NEGR1: variants seen among roughly 807,000 people sequenced by gnomAD.
NEGR1 encodes the protein IgLON family member 4.
Under a neutral mutation model 40.9 loss-of-function variants are expected in NEGR1, and 10 were observed. The ratio of observed to expected loss-of-function variants is 0.24; its 90% CI spans 0.15 to 0.42. The LOEUF is 0.42. Among genes scored for constraint, NEGR1 ranks in the 10% least tolerant of loss-of-function variants. NEGR1 has a pLI of 1.00. For missense variants in NEGR1, 352 were observed against 438.9 expected (o/e 0.80, Z 1.77); for synonymous variants, 185 against 166.8 (o/e 1.11, Z -0.84).
intron 4 of NEGR1, among the ~76,000 whole-genome samples, chr1:71,688,436 T>TATATATAAAAGATATATATATAAAAG (rs1557613923): frequency 0.011 from 189 of 16,572 alleles, 1 homozygote; most frequent in Middle Eastern, 0.045. Context: ...ATATAAAAGA[T>TATATATAAAAGATATATATATAAAAG]ATATATATAA....
chr1:71,598,200 C>T (rs1035817196), intron 5 of NEGR1, among the ~76,000 whole-genome samples: 1 of 152,088 alleles, frequency 6.6e-6, no homozygotes, highest in African/African-American at 2.4e-5. Flanking sequence ...ACATTCAAAT[C>T]GCTAAGTAGA....
intron 1 of NEGR1, among the ~76,000 whole-genome samples, chr1:72,280,089 G>C (rs1570219911): frequency 6.6e-6 from 1 of 152,156 alleles, no homozygotes; most frequent in East Asian, 1.9e-4. Context: ...AGTTCCCTCA[G>C]TATCACAAAA....
chr1:71,569,570 T>C (rs1168114499), intron 6 of NEGR1, among the ~76,000 whole-genome samples: 1 of 152,206 alleles, frequency 6.6e-6, no homozygotes, highest in Non-Finnish European at 1.5e-5. Context: ...GACTACCGTT[T>C]GGGCGTTTAA....
intron 1 of NEGR1, among the ~76,000 whole-genome samples, chr1:72,020,341 G>A (rs1281169374): frequency 2.0e-5 from 3 of 152,100 alleles, no homozygotes; most frequent in Admixed American, 6.6e-5. Flanking sequence ...TGGGACCCAG[G>A]AAAGGGGAAA....
intron 1 of NEGR1, among the ~76,000 whole-genome samples, chr1:72,242,153 T>A (rs905886578): frequency 6.6e-6 from 1 of 151,806 alleles, no homozygotes. Context: ...ATTCTTGTTA[T>A]GTTGCATTCA....
At chr1:71,684,902 A>T (rs1570202407) in intron 4 of NEGR1, among the ~76,000 whole-genome samples, 1 of 152,142 alleles carries the variant, frequency 6.6e-6, no homozygotes, top group Admixed American at 6.6e-5. Context: ...TTCACAATTT[A>T]AAAAAATATC....
chr1:71,964,813 T>C (rs893950994), intron 1 of NEGR1, among the ~76,000 whole-genome samples: 3 of 129,812 alleles, frequency 2.3e-5, no homozygotes, highest in Non-Finnish European at 3.2e-5. Context: ...TGTATTTATA[T>C]ATAATCACAT....
At chr1:71,529,675 A>T (rs1319498716) in intron 6 of NEGR1, among the ~76,000 whole-genome samples, 1 of 151,164 alleles carries the variant, frequency 6.6e-6, no homozygotes, top group Non-Finnish European at 1.5e-5. Flanking sequence ...GTTTAGTAAG[A>T]GATGGTAAGC....
At chr1:71,807,131 C>G (rs778995305) in intron 2 of NEGR1, among the ~76,000 whole-genome samples, 12 of 151,946 alleles carry the variant, frequency 7.9e-5, no homozygotes, top group Admixed American at 5.9e-4. Context: ...CTCCTGACCT[C>G]ATGATCTGCC....
At chr1:71,483,040 G>T (rs1392885874) in intron 6 of NEGR1, among the ~76,000 whole-genome samples, 1 of 151,718 alleles carries the variant, frequency 6.6e-6, no homozygotes, top group African/African-American at 2.4e-5. Flanking sequence ...GTCAGGATAG[G>T]GCACACCCAT....
At chr1:72,072,439 A>C (rs969400545) in intron 1 of NEGR1, among the ~76,000 whole-genome samples, 18 of 152,280 alleles carry the variant, frequency 1.2e-4, no homozygotes, top group African/African-American at 4.1e-4. Context: ...ATAGTGTTCA[A>C]AATCAACACA....
At chr1:71,917,270 G>A (rs1358943728) in intron 2 of NEGR1, among the ~76,000 whole-genome samples, 1 of 152,126 alleles carries the variant, frequency 6.6e-6, no homozygotes, top group Non-Finnish European at 1.5e-5. Context: ...TATTTTTTCA[G>A]AAGGTGATGT....
At chr1:71,439,151 C>A (rs986037554) in intron 6 of NEGR1, among the ~76,000 whole-genome samples, 1 of 152,004 alleles carries the variant, frequency 6.6e-6, no homozygotes, top group African/African-American at 2.4e-5. Context: ...CCAGACTACT[C>A]CAAATAATTG....
intron 2 of NEGR1, among the ~76,000 whole-genome samples, chr1:71,911,625 G>A (rs1234474807): frequency 1.3e-5 from 2 of 152,120 alleles, no homozygotes; most frequent in African/African-American, 4.8e-5. Flanking sequence ...GTTTTACTAA[G>A]GTTATGTGAG....
intron 2 of NEGR1, among the ~76,000 whole-genome samples, chr1:71,886,296 G>T (rs1005311169): frequency 6.6e-6 from 1 of 152,100 alleles, no homozygotes; most frequent in Non-Finnish European, 1.5e-5. Context: ...ATTAGTGTTT[G>T]CTATAGAAAG....
At chr1:71,858,735 A>C (rs1412915308) in intron 2 of NEGR1, among the ~76,000 whole-genome samples, 1 of 152,106 alleles carries the variant, frequency 6.6e-6, no homozygotes, top group Non-Finnish European at 1.5e-5. Flanking sequence ...AAGTTATGTA[A>C]CACAAATATA....
At chr1:72,275,305 T>C in intron 1 of NEGR1, 5 of 432,354 alleles carry the variant, frequency 1.2e-5, no homozygotes, top group Non-Finnish European at 2.1e-5. Context: ...AAAACTCAAT[T>C]TGATAATGAT....
chr1:71,599,278 A>T (rs1249495706), intron 5 of NEGR1, among the ~76,000 whole-genome samples: 1 of 152,210 alleles, frequency 6.6e-6, no homozygotes, highest in Non-Finnish European at 1.5e-5. Context: ...TGGCAGAAAA[A>T]TATTAAATAT....
At chr1:71,832,680 T>C (rs1000682824) in intron 2 of NEGR1, among the ~76,000 whole-genome samples, 2 of 152,064 alleles carry the variant, frequency 1.3e-5, no homozygotes, top group African/African-American at 4.8e-5. Flanking sequence ...CTGGTCTACC[T>C]CTTTAACATT....
Sources: gnomAD v4.1 joint callset for allele counts (sites outside exome capture counted in the v4.1 genomes callset) on GRCh38, gnomAD v4.1.1 for gene constraint, MANE v1.5 for transcripts, NCBI Gene and HGNC (gene_info 2026-07-23, HGNC 2026-07-21) for gene names.